Variants in PLEK observed in about 807,000 individuals in gnomAD.
PLEK encodes platelet 47 kDa protein.
A neutral mutation model predicts 43.9 loss-of-function variants in PLEK; 25 were observed. The observed-to-expected ratio is 0.57, with a 90% CI of 0.41 to 0.79. The LOEUF is 0.79. Ranked by LOEUF, PLEK falls within the 30% of genes least tolerant of loss-of-function variation. The probability of loss-of-function intolerance (pLI) is 0.00; values close to 1 mark genes in which losing one functional copy is unlikely to be tolerated. For missense variants in PLEK, 396 were observed against 413.3 expected (o/e 0.96, Z 0.36); for synonymous variants, 152 against 144.4 (o/e 1.05, Z -0.38).
chr2:68,394,223 C>G (rs752019816), intron 8 of PLEK, 47 bp downstream of exon 8: 3 of 1,049,166 alleles, frequency 2.9e-6, no homozygotes, highest in Non-Finnish European at 4.5e-6. Context: ...TCAGACTCCC[C>G]TCCCACACCT....
chr2:68,388,939 G>A (rs551077694), intron 6 of PLEK, among the ~76,000 whole-genome samples: 4 of 152,098 alleles, frequency 2.6e-5, no homozygotes, highest in Non-Finnish European at 4.4e-5. Context: ...AGTCATTCCA[G>A]TCTGTGCTTA....
Position 68,385,395 on chromosome 2 carries a change from C to T in PLEK, c.473-1107C>T, listed in dbSNP as rs116842331. Among the ~76,000 whole-genome samples, 8 of 152,300 alleles carry T rather than the reference C, an allele frequency of 5.3e-5. No individual in the cohort carries two copies. The South Asian group carries it at 1.2e-3, about 24-fold the overall frequency. On this transcript the variant is annotated intron_variant, in intron 4 of 8. Transcript: ENST00000234313. ...TTGCTTAAATGACTTCTCAAGGTCC[C>T]TGCTAGACTCTGCAAAGTCATGACA... is the stretch of plus-strand genomic sequence containing the variant.
intron 6 of PLEK, among the ~76,000 whole-genome samples, chr2:68,391,998 G>A (rs1293960416): frequency 6.6e-6 from 1 of 152,136 alleles, no homozygotes; most frequent in African/African-American, 2.4e-5. Flanking sequence ...AGGCACTGTG[G>A]CCCTGGGAAA....
chr2:68,396,048 C>T lies in PLEK; in HGVS notation c.*232C>T. On this transcript the variant is annotated 3_prime_UTR_variant, in exon 9 of 9. Coordinates refer to ENST00000234313, the MANE Select transcript of PLEK (RefSeq NM_002664.3). ...ATGACCCCCAAGCAGATATAACAAG[C>T]TGTGCAGCCTCAGTAGGCTGCTTGC... 4.3e-6 allele frequency: 2 copies of T among 470,480 alleles called. No individual in the cohort carries two copies. The highest frequency in any genetic ancestry group is 3.9e-6 in the Non-Finnish European group (1 of 259,174). The allele number at this position is 470,480 out of a possible 1,614,324, so 29.1% of individuals were successfully genotyped here.
rs901147341 is a variant in PLEK at position 68,388,442 on chromosome 2, A to C, written c.713A>C (p.Lys238Thr). The C allele has an allele frequency of 6.2e-7, 1 of 1,611,758 alleles. No individual in the cohort carries two copies. Among genetic ancestry groups the C allele is most frequent in the African/African-American group, 1.3e-5 (1 of 74,880 alleles). The change falls in exon 6 of 9, where the codon AAA (lysine) becomes ACA (threonine). Residue 238 changes from lysine (K) to threonine (T), a missense_variant. By Grantham distance (78) the Lys-to-Thr change is moderately conservative. Transcript: ENST00000234313. ...ENSSDDDVIL[K>T]EEFRGVIIKQ... ...TCCAGTGATGATGATGTGATTCTGA[A>C]AGAAGAATTCAGAGGGGTCATTATC...
intron 8 of PLEK, 47 bp from the exon 9 acceptor site, chr2:68,395,633 T>C (rs201383553): frequency 1.9e-6 from 3 of 1,610,048 alleles, no homozygotes; most frequent in Admixed American, 3.3e-5. Flanking sequence ...GAGCAAGTGG[T>C]CTTTCTGATG....
chr2:68,391,686 C>A (rs1156712243), intron 6 of PLEK, among the ~76,000 whole-genome samples: 1 of 152,162 alleles, frequency 6.6e-6, no homozygotes, highest in Non-Finnish European at 1.5e-5. Flanking sequence ...TTGCTAAGAC[C>A]ACACATGTTT....
At position 68,386,626 on chromosome 2, in the gene PLEK, T is replaced by C. The variant is rs746665845; in HGVS notation, c.597T>C (p.Ser199=). The change falls in exon 5 of 9, where the codon AGT becomes AGC. Residue 199 remains serine, a synonymous_variant. Transcript: ENST00000234313. ...AGCCTGCTGGAGACATGTCCAAGAG[T>C]GCAGTGGATGGAACTGCTGAAAACC... ...YLQPAGDMSK[S]AVDGTAENPF... The C allele has an allele frequency of 6.2e-7, 1 of 1,613,962 alleles. No individual in the cohort carries two copies. Among genetic ancestry groups the C allele is most frequent in the Non-Finnish European group, 8.5e-7 (1 of 1,179,864 alleles).
chr2:68,388,229 C>T (rs1006881241), intron 5 of PLEK, 158 bp from the exon 6 acceptor site: 7 of 551,160 alleles, frequency 1.3e-5, no homozygotes, highest in African/African-American at 9.4e-5. Context: ...GAAACTCGCT[C>T]ATCAAGGACC....
At chr2:68,368,646 T>A (rs763514910) in intron 1 of PLEK, among the ~76,000 whole-genome samples, 2 of 152,222 alleles carry the variant, frequency 1.3e-5, no homozygotes, top group African/African-American at 2.4e-5. Context: ...CCAATAAACA[T>A]GTTTGGAAGG....
At chr2:68,379,687 GA>G (rs1673573963) in intron 1 of PLEK, among the ~76,000 whole-genome samples, 2 of 152,250 alleles carry the variant, frequency 1.3e-5, no homozygotes, top group Admixed American at 6.5e-5. Context: ...ATCATAGCAG[GA>G]AAGGGTTTGG....
At chr2:68,379,668 G>A (rs1232179129) in intron 1 of PLEK, among the ~76,000 whole-genome samples, 2 of 152,144 alleles carry the variant, frequency 1.3e-5, no homozygotes, top group Admixed American at 1.3e-4. Flanking sequence ...AAAGGGAGGT[G>A]CAGGGGAAAT....
intron 6 of PLEK, among the ~76,000 whole-genome samples, chr2:68,390,317 G>C (rs1361706319): frequency 1.6e-4 from 25 of 152,190 alleles, no homozygotes. Context: ...CAGAGCCTCT[G>C]GATTTTTACA....
chr2:68,394,700 C>T (rs1057321940), intron 8 of PLEK, among the ~76,000 whole-genome samples: 50 of 152,192 alleles, frequency 3.3e-4, no homozygotes, highest in Non-Finnish European at 6.3e-4. Flanking sequence ...TCTATCACTT[C>T]ACAATGGCTG....
chr2:68,368,594 C>T (rs1673328024), intron 1 of PLEK, among the ~76,000 whole-genome samples: 2 of 152,234 alleles, frequency 1.3e-5, no homozygotes, highest in Admixed American at 6.5e-5. Flanking sequence ...AGTTTAAAAA[C>T]CTCAGCCTCC....
chr2:68,391,597 C>T (rs1375088400), intron 6 of PLEK, among the ~76,000 whole-genome samples: 1 of 152,172 alleles, frequency 6.6e-6, no homozygotes, highest in Non-Finnish European at 1.5e-5. Flanking sequence ...GTTCCTTCAC[C>T]AAATGTTTTG....
chr2:68,387,530 C>A (rs2103779785), intron 5 of PLEK, among the ~76,000 whole-genome samples: 1 of 152,300 alleles, frequency 6.6e-6, no homozygotes, highest in East Asian at 1.9e-4. Flanking sequence ...TCACTTCCTG[C>A]AGTCATCTTG....
intron 3 of PLEK, among the ~76,000 whole-genome samples, chr2:68,381,152 AG>A (rs1673605765): frequency 6.6e-6 from 1 of 152,176 alleles, no homozygotes; most frequent in African/African-American, 2.4e-5. Context: ...AGAGAGAGAG[AG>A]AGAGAAAGAA....
At chr2:68,368,401 C>G (rs1049467756) in intron 1 of PLEK, among the ~76,000 whole-genome samples, 2 of 152,210 alleles carry the variant, frequency 1.3e-5, no homozygotes, top group African/African-American at 4.8e-5. Flanking sequence ...ATAAGTGATT[C>G]GTCCACAGTG....
Sources: gnomAD v4.1 joint callset for allele counts (sites outside exome capture counted in the v4.1 genomes callset) on GRCh38, gnomAD v4.1.1 for gene constraint, MANE v1.5 for transcripts, NCBI Gene and HGNC (gene_info 2026-07-23, HGNC 2026-07-21) for gene names.